Variants in DYRK4 observed in about 807,000 individuals in gnomAD.
DYRK4 encodes the protein dual specificity tyrosine phosphorylation regulated kinase 4.
In DYRK4, 64 loss-of-function variants were observed where a neutral mutation model predicts 68.3. The ratio of observed to expected loss-of-function variants is 0.94; its 90% CI spans 0.77 to 1.15. The LOEUF is 1.15. Ranked by LOEUF, DYRK4 falls within the 50% of genes most tolerant of loss-of-function variation. DYRK4 has a pLI of 0.00. For synonymous variants in DYRK4, 274 were observed against 289.9 expected (o/e 0.95, Z 0.56); for missense variants, 740 against 764.7 (o/e 0.97, Z 0.38).
intron 2 of DYRK4, among the ~76,000 whole-genome samples, chr12:4,585,325 G>A (rs1591793900): frequency 6.6e-6 from 1 of 152,114 alleles, no homozygotes. Flanking sequence ...CTCTCTCAAG[G>A]GTCTCATGGA....
At chr12:4,608,406 CAA>C (rs1464245930) in intron 12 of DYRK4, among the ~76,000 whole-genome samples, 2 of 152,152 alleles carry the variant, frequency 1.3e-5, no homozygotes, top group Non-Finnish European at 2.9e-5. Context: ...GCAAATCACA[CAA>C]TTTCTGTTCA....
intron 2 of DYRK4, 75 bp from the exon 3 acceptor site, chr12:4,588,862 G>T: frequency 7.0e-7 from 1 of 1,425,236 alleles, no homozygotes; most frequent in Non-Finnish European, 9.5e-7. Flanking sequence ...TTTGTTTATT[G>T]TAATGTAACA....
chr12:4,587,365 C>T (rs1944908415), intron 2 of DYRK4, among the ~76,000 whole-genome samples: 1 of 152,184 alleles, frequency 6.6e-6, no homozygotes, highest in Non-Finnish European at 1.5e-5. Context: ...TCCTCCTGGG[C>T]CGATTGCATT....
intron 3 of DYRK4, among the ~76,000 whole-genome samples, chr12:4,589,866 G>C (rs1040288280): frequency 2.0e-5 from 3 of 152,302 alleles, no homozygotes; most frequent in Middle Eastern, 3.4e-3. Flanking sequence ...GGAAATTGAA[G>C]CTTATGTTGC....
At chr12:4,600,261 CTTTA>C (rs150883877) in intron 10 of DYRK4, among the ~76,000 whole-genome samples, 6,688 of 151,958 alleles carry the variant, frequency 0.044, 479 homozygotes, top group African/African-American at 0.15. Flanking sequence ...GTTTACTGAA[CTTTA>C]TTTAATATTG....
At chr12:4,581,757 C>T (rs757869068) in intron 2 of DYRK4, among the ~76,000 whole-genome samples, 1 of 152,182 alleles carries the variant, frequency 6.6e-6, no homozygotes, top group Non-Finnish European at 1.5e-5. Context: ...TGCCTCTCTC[C>T]TGTCCTTCCC....
In DYRK4 at chr12:4,602,311, T is replaced by G. The variant is rs1034886710; in HGVS notation, c.1126+2523T>G. On this transcript the variant is annotated intron_variant, in intron 10 of 14. Transcript: ENST00000543431. ...TATGCCATTCTCCCTCTTTTTTTCT[T>G]CCTCTTCTTCTATTTTCTGTTGCTC... is the stretch of plus-strand genomic sequence containing the variant. 5.4e-6 allele frequency: 5 copies of G among 928,044 alleles called. No individual in the cohort carries two copies. In the African/African-American group the frequency reaches 6.5e-5, roughly 12 times the overall value. 57.5% of individuals were successfully genotyped at this position (928,044 alleles called of 1,614,324 possible).
chr12:4,571,620 G>A (rs7960407), intron 2 of DYRK4, among the ~76,000 whole-genome samples: 8 of 151,978 alleles, frequency 5.3e-5, no homozygotes, highest in South Asian at 4.1e-4. Context: ...TATTTATATC[G>A]TATTGTAGTT....
chr12:4,588,804 C>G, intron 2 of DYRK4, 133 bp from the exon 3 acceptor site: 1 of 748,874 alleles, frequency 1.3e-6, no homozygotes, highest in East Asian at 2.7e-5. Context: ...TGGAGCCTCT[C>G]TTGGCTCTTC....
rs1272721121 is a variant in DYRK4, at chr12:4,590,301, T to TG, written c.214-28dup. 5 of 1,523,066 alleles carry TG rather than the reference T, an allele frequency of 3.3e-6. No individual in the cohort carries two copies. In the African/African-American group the frequency reaches 6.9e-5, roughly 21 times the overall value. 94.3% of individuals were successfully genotyped at this position (1,523,066 alleles called of 1,614,324 possible). ...GAGACGTTTTCTTGCCTAAGGCTTT[T>TG]GTAACACATGCAATTTCTCCTTCTA... is the stretch of plus-strand genomic sequence containing the variant. On this transcript the variant is annotated intron_variant, in intron 3 of 14. Coordinates refer to ENST00000543431, the MANE Select transcript of DYRK4 (RefSeq NM_001394779.1).
At chr12:4,575,323 T>TGTGTGTGTGTGTGTGTGTGTGTGTGTGTG (rs1944778127) in intron 2 of DYRK4, among the ~76,000 whole-genome samples, 2 of 50,802 alleles carry the variant, frequency 3.9e-5, no homozygotes, top group African/African-American at 1.6e-4. Context: ...GTGTGTGTGT[T>TGTGTGTGTGTGTGTGTGTGTGTGTGTGTG]TTCGAAACGG....
chr12:4,562,234 A>G lies in DYRK4; in HGVS notation c.-12A>G. On this transcript the variant is annotated 5_prime_UTR_variant, in exon 1 of 15. Transcript: ENST00000543431. ...CAGCCTCCCGCAGCGGCGGGCGGTC[A>G]GCGCCGGCCTCATGCAGCTCCTCCC... 6.6e-7 allele frequency: 1 copy of G among 1,525,550 alleles called. No homozygotes were observed. The highest frequency in any genetic ancestry group is 8.8e-7 in the Non-Finnish European group (1 of 1,141,850). The allele number at this position is 1,525,550 out of a possible 1,614,324, so 94.5% of individuals were successfully genotyped here. A position where few individuals can be genotyped will look rare whatever the true frequency, so the allele number is the denominator to read the frequency against.
intron 8 of DYRK4, 42 bp from the exon 9 acceptor site, chr12:4,598,986 T>C (rs775844967): frequency 1.2e-6 from 2 of 1,608,050 alleles, no homozygotes; most frequent in Middle Eastern, 1.7e-4. Context: ...GCCTTATATG[T>C]TTTTTTACAC....
At chr12:4,576,171 C>T (rs1335630730) in intron 2 of DYRK4, among the ~76,000 whole-genome samples, 3 of 152,192 alleles carry the variant, frequency 2.0e-5, no homozygotes, top group African/African-American at 7.2e-5. Flanking sequence ...CATTGTCCAT[C>T]TATTCATCCT....
At position 4,566,024 on chromosome 12, in the gene DYRK4, T is replaced by C. The variant is rs79200724; in HGVS notation, c.39-1931T>C. ...CAGGAAAAATTTTTGTGTTCATTTT[T>C]GCCCAATGTTGCGATTTTACAAATC... is the stretch of plus-strand genomic sequence containing the variant. On this transcript the variant is annotated intron_variant, in intron 1 of 14. Transcript: ENST00000543431. 6.8e-3 allele frequency among the ~76,000 whole-genome samples: 1,037 copies of C among 152,352 alleles called. 7 individuals carry two copies. The highest frequency in any genetic ancestry group is 0.023 in the African/African-American group (968 of 41,574).
chr12:4,602,548 ATATAAGCCAACGGC>A lies in DYRK4; in HGVS notation c.1127-2364_1127-2351del, dbSNP rs200652670. The A allele has an allele frequency of 4.4e-4, 532 of 1,215,752 alleles. 9 individuals are homozygous for A. In the East Asian group the frequency reaches 0.011, roughly 25 times the overall value. 75.3% of individuals were successfully genotyped at this position (1,215,752 alleles called of 1,614,324 possible). On this transcript the variant is annotated intron_variant, in intron 10 of 14. Transcript: ENST00000543431. ...TATAAGCCAACTTATAAGTGGAGGG[ATATAAGCCAACGGC>A]TCTCCTGTTGATGAGTGAGTGACAA...
chr12:4,570,540 A>C (rs1399508952), intron 2 of DYRK4, among the ~76,000 whole-genome samples: 1 of 152,188 alleles, frequency 6.6e-6, no homozygotes, highest in East Asian at 1.9e-4. Context: ...CAGTTGTGAT[A>C]CTAATTGGAG....
intron 11 of DYRK4, among the ~76,000 whole-genome samples, 168 bp downstream of exon 11, chr12:4,605,254 T>C (rs1048583989): frequency 5.9e-5 from 9 of 152,256 alleles, no homozygotes; most frequent in African/African-American, 2.2e-4. Context: ...CTTGTACTTG[T>C]CAAGTCGACA....
At chr12:4,603,196 C>T (rs994498351) in intron 10 of DYRK4, 6 of 1,186,034 alleles carry the variant, frequency 5.1e-6, no homozygotes, top group Admixed American at 1.7e-5. Flanking sequence ...TTGGTGAGAC[C>T]TCATCCTGCA....
Sources: allele counts gnomAD v4.1 joint callset (sites outside exome capture counted in the v4.1 genomes callset), GRCh38; gene constraint gnomAD v4.1.1; transcripts MANE v1.5; gene names NCBI Gene and HGNC (gene_info 2026-07-23, HGNC 2026-07-21).